The following KLRG1 variants were observed in gnomAD, a reference collection of about 807,000 sequenced individuals.
The protein encoded by KLRG1 is killer cell lectin like receptor G1.
In KLRG1, 16 loss-of-function variants were observed where a neutral mutation model predicts 21.8. The ratio of observed to expected loss-of-function variants is 0.73; its 90% CI spans 0.50 to 1.11. KLRG1 has a LOEUF of 1.11. KLRG1 is among the 50% of genes most tolerant of loss of function. The pLI is 0.00. For missense variants in KLRG1, 173 were observed against 218.3 expected (o/e 0.79, Z 1.31); for synonymous variants, 69 against 75.9 (o/e 0.91, Z 0.47).
At chr12:8,954,393 A>G (rs998818771) in intron 1 of KLRG1, among the ~76,000 whole-genome samples, 1 of 150,268 alleles carries the variant, frequency 6.7e-6, no homozygotes, top group African/African-American at 2.4e-5. Context: ...GTACTTTGCC[A>G]GGAGAGTAGA....
the KLRG1 span, among the ~76,000 whole-genome samples, chr12:9,135,835 G>A: frequency 6.6e-6 from 1 of 152,324 alleles, no homozygotes; most frequent in South Asian, 2.1e-4. Context: ...AAGTCCTAGA[G>A]TGATTTCAGC....
intron 1 of KLRG1, among the ~76,000 whole-genome samples, chr12:8,951,920 G>A (rs1727305291): frequency 6.6e-6 from 1 of 152,156 alleles, no homozygotes; most frequent in Admixed American, 6.5e-5. Flanking sequence ...GGAAGCAGGG[G>A]TAGTTTCCCT....
the KLRG1 span, among the ~76,000 whole-genome samples, chr12:9,087,784 A>C: frequency 1.3e-5 from 2 of 152,110 alleles, no homozygotes; most frequent in Non-Finnish European, 2.9e-5. Flanking sequence ...TTACAATGTA[A>C]TTAAAGAACA....
At chr12:9,208,999 G>C in the KLRG1 span, among the ~76,000 whole-genome samples, 1 of 151,944 alleles carries the variant, frequency 6.6e-6, no homozygotes, top group Non-Finnish European at 1.5e-5. Flanking sequence ...CCTTGTTACT[G>C]TCTGAGCACT....
chr12:9,068,848 A>G, the KLRG1 span: 1 of 1,578,958 alleles, frequency 6.3e-7, no homozygotes, highest in Non-Finnish European at 8.6e-7. Flanking sequence ...GACACCTGGA[A>G]AGCAAAAGTC....
At chr12:9,000,536 G>A (rs12816518) in intron 3 of KLRG1, among the ~76,000 whole-genome samples, 44,403 of 151,746 alleles carry the variant, frequency 0.29, 7,387 homozygotes, top group East Asian at 0.4. Context: ...ATCATCCCCA[G>A]TTGAAGCTCT....
the KLRG1 span, among the ~76,000 whole-genome samples, chr12:9,133,921 A>T: frequency 2.0e-5 from 3 of 152,236 alleles, no homozygotes; most frequent in South Asian, 6.2e-4. Flanking sequence ...ACATTTAGAG[A>T]TCTGATAAAG....
chr12:9,069,053 G>A, the KLRG1 span: 3 of 443,134 alleles, frequency 6.8e-6, no homozygotes, highest in East Asian at 3.5e-5. Flanking sequence ...ATATACCTCT[G>A]TCAATGCCAA....
the KLRG1 span, chr12:9,115,575 C>G: frequency 9.2e-6 from 5 of 544,606 alleles, no homozygotes; most frequent in African/African-American, 1.9e-5. Context: ...ATTAGAGCTT[C>G]AGAGAGTTGG....
At chr12:9,181,148 G>A in the KLRG1 span, 3 of 1,613,848 alleles carry the variant, frequency 1.9e-6, no homozygotes, top group Non-Finnish European at 2.5e-6. Context: ...GGAAATGAAG[G>A]AAACGTCAAC....
At chr12:9,203,176 G>T in the KLRG1 span, among the ~76,000 whole-genome samples, 3 of 152,108 alleles carry the variant, frequency 2.0e-5, no homozygotes, top group Non-Finnish European at 4.4e-5. Flanking sequence ...ATCAAAACTA[G>T]AAAACTCCTC....
chr12:9,111,797 T>C, the KLRG1 span, among the ~76,000 whole-genome samples: 1 of 152,334 alleles, frequency 6.6e-6, no homozygotes, highest in Admixed American at 6.5e-5. Context: ...ATAGTGAAGA[T>C]TTTGGTAGAT....
At chr12:9,169,957 C>T in the KLRG1 span, 1 of 159,246 alleles carries the variant, frequency 6.3e-6, no homozygotes, top group East Asian at 1.8e-4. Flanking sequence ...ATTATTGCCA[C>T]CTGTTAAACA....
At chr12:9,165,190 C>T in the KLRG1 span, 3 of 1,614,088 alleles carry the variant, frequency 1.9e-6, no homozygotes, top group South Asian at 2.2e-5. Flanking sequence ...GTGTGAAGAC[C>T]TCTCCACGAA....
the KLRG1 span, among the ~76,000 whole-genome samples, chr12:9,211,721 C>G: frequency 6.6e-6 from 1 of 152,190 alleles, no homozygotes; most frequent in Non-Finnish European, 1.5e-5. Flanking sequence ...AACACCTTTT[C>G]CCATCTTTAT....
chr12:9,159,066 AAG>A, the KLRG1 span, among the ~76,000 whole-genome samples: 1 of 151,960 alleles, frequency 6.6e-6, no homozygotes, highest in East Asian at 1.9e-4. Context: ...TAAAACTACA[AAG>A]AGAGAGAGAG....
the KLRG1 span, chr12:9,158,683 A>C: frequency 9.1e-7 from 1 of 1,100,158 alleles, no homozygotes; most frequent in Non-Finnish European, 1.2e-6. Flanking sequence ...AAGAAAGTCA[A>C]TCAGCTGTTA....
the KLRG1 span, among the ~76,000 whole-genome samples, chr12:9,096,148 T>G: frequency 6.6e-6 from 1 of 152,206 alleles, no homozygotes; most frequent in East Asian, 1.9e-4. Flanking sequence ...TGATGATTTA[T>G]AGAGGGTATG....
At chr12:9,115,811 A>G in the KLRG1 span, 1 of 1,613,518 alleles carries the variant, frequency 6.2e-7, no homozygotes, top group African/African-American at 1.3e-5. Flanking sequence ...CCAAGAGGAG[A>G]AGAACCAGAC....
Sources: allele counts gnomAD v4.1 joint callset (sites outside exome capture counted in the v4.1 genomes callset), GRCh38; gene constraint gnomAD v4.1.1; transcripts MANE v1.5; gene names NCBI Gene and HGNC (gene_info 2026-07-23, HGNC 2026-07-21).